The following TBCD variants were observed in gnomAD, a reference collection of about 807,000 sequenced individuals.
TBCD encodes the protein tubulin folding cofactor D, also known as tubulin-specific chaperone D.
TBCD carries 105 observed loss-of-function variants against 169.3 expected under a neutral mutation model. The observed-to-expected ratio is 0.62, with a 90% CI of 0.53 to 0.73. The LOEUF (loss-of-function observed/expected upper bound fraction) is 0.73, where lower values mean the gene tolerates loss of function less well. TBCD is among the 30% of genes least tolerant of loss of function. The pLI is 0.00. For synonymous variants in TBCD, 700 were observed against 643.9 expected (o/e 1.09, Z -1.32); for missense variants, 1,444 against 1,600.1 (o/e 0.90, Z 1.66).
In TBCD at chr17:82,941,431, G is replaced by A. The variant is rs775453008; in HGVS notation, c.3512G>A (p.Arg1171His). 3.4e-5 allele frequency: 54 copies of A among 1,601,724 alleles called. 1 individual carries two copies. The highest frequency in any genetic ancestry group is 4.5e-5 in the East Asian group (2 of 44,636). Reference protein sequence around the residue: ...DAELAVVREQRNRLCDLLGVP... With the variant: ...DAELAVVREQHNRLCDLLGVP... ...GAGCTTGCAGTGGTGAGAGAGCAGC[G>A]CAACCGTCTGTGTGACCTTCTGGGC... Residue 1171 changes from arginine (R) to histidine (H), a missense_variant, in exon 38 of 39, where the codon CGC becomes CAC. Transcript: ENST00000355528.
At position 82,920,473 on chromosome 17, in the gene TBCD, C is replaced by T; in HGVS notation, c.2039-83C>T. On this transcript the variant is annotated intron_variant, in intron 23 of 38. Transcript: ENST00000355528. The surrounding 1 kb of genome is among the most constrained non-coding windows in gnomAD (Gnocchi z 4.1). The stretch of plus-strand genomic sequence containing the variant: ...GGGCAGGAGCTGGCCGCACACAACT[C>T]AGAATGTGGCAAAGGCAAGCCGCTG... 2.4e-6 allele frequency: 3 copies of T among 1,241,784 alleles called. No homozygotes were observed. The highest frequency in any genetic ancestry group is 1.3e-5 in the South Asian group (1 of 74,386). The allele number at this position is 1,241,784 out of a possible 1,614,324, so 76.9% of individuals were successfully genotyped here.
chr17:82,777,992 T>C (rs906285124), intron 6 of TBCD, among the ~76,000 whole-genome samples: 2 of 152,268 alleles, frequency 1.3e-5, no homozygotes, highest in Non-Finnish European at 2.9e-5. Context: ...CTGGTGGCCC[T>C]GTCTGGGCAT....
At chr17:82,821,100 C>A (rs1335616464) in intron 13 of TBCD, among the ~76,000 whole-genome samples, 3 of 137,798 alleles carry the variant, frequency 2.2e-5, no homozygotes, top group African/African-American at 8.1e-5. Context: ...AGACCACAGG[C>A]CTGCTGCACT....
intron 23 of TBCD, among the ~76,000 whole-genome samples, chr17:82,919,803 C>T (rs999033927): frequency 2.0e-5 from 3 of 152,074 alleles, no homozygotes; most frequent in Non-Finnish European, 4.4e-5. Context: ...TGTGTGTGGT[C>T]CCTGTCCTGT....
chr17:82,907,243 C>T (rs4986136), intron 20 of TBCD, among the ~76,000 whole-genome samples: 39,316 of 152,226 alleles, frequency 0.26, 5,824 homozygotes, highest in Admixed American at 0.34. Context: ...CGCCAGGGAC[C>T]TTCCCTTGGA....
chr17:82,791,885 ACTCCCAGGCCAGGTGGTGTGGCCCGCTG>A (rs1236537074), intron 7 of TBCD, among the ~76,000 whole-genome samples: 1 of 149,422 alleles, frequency 6.7e-6, no homozygotes, highest in East Asian at 1.9e-4. Context: ...GGCCTGCTGC[ACTCCCAGGCCAGGTGGTGTGGCCCGCTG>A]CTCCCAGGCT....
At chr17:82,797,493 G>A (rs1191968650) in intron 7 of TBCD, among the ~76,000 whole-genome samples, 1 of 152,178 alleles carries the variant, frequency 6.6e-6, no homozygotes, top group East Asian at 1.9e-4. Flanking sequence ...CCATTGATGA[G>A]GGAGGGGTGG....
intron 14 of TBCD, among the ~76,000 whole-genome samples, chr17:82,881,705 G>T (rs917935915): frequency 3.3e-5 from 5 of 152,198 alleles, no homozygotes; most frequent in African/African-American, 1.2e-4. Flanking sequence ...CTTGATTGGG[G>T]TGGAAAATGC....
chr17:82,865,619 C>T, intron 13 of TBCD: 1 of 833,806 alleles, frequency 1.2e-6, no homozygotes, highest in Non-Finnish European at 1.4e-6. Flanking sequence ...GCGGTCTGCA[C>T]CAGCTACATC....
At chr17:82,926,308 G>C (rs973238494) in intron 27 of TBCD, 92 bp from the exon 28 acceptor site, 1 of 1,193,802 alleles carries the variant, frequency 8.4e-7, no homozygotes, top group Non-Finnish European at 1.2e-6. Context: ...CATGGTGTGG[G>C]GTCTGTGGCT....
chr17:82,934,597 C>G (rs544188024), intron 34 of TBCD, among the ~76,000 whole-genome samples: 2 of 152,136 alleles, frequency 1.3e-5, no homozygotes, highest in South Asian at 2.1e-4. Flanking sequence ...CTCAGCCTCC[C>G]TAGTAGCTGG....
At chr17:82,937,536 A>C in intron 35 of TBCD, 176 bp downstream of exon 35, 1 of 641,056 alleles carries the variant, frequency 1.6e-6, no homozygotes, top group Admixed American at 2.7e-5. Flanking sequence ...GAGGCAGCCC[A>C]GGTGCTGGTG....
rs187520178 is a variant in TBCD, at chr17:82,803,887, G to A, written c.951-1988G>A. Among the ~76,000 whole-genome samples, 447 of 150,388 alleles carry A rather than the reference G, an allele frequency of 3.0e-3. 3 individuals are homozygous for A. Among genetic ancestry groups the A allele is most frequent in the African/African-American group, 0.01 (423 of 40,892 alleles). The stretch of plus-strand genomic sequence containing the variant: ...GGCGTTAGGGGAGACTGGGGGCTGG[G>A]GTGTGCCAGCCATGGGCCATTAGGG... On this transcript the variant is annotated intron_variant, in intron 9 of 38. Transcript: ENST00000355528.
intron 1 of TBCD, among the ~76,000 whole-genome samples, chr17:82,753,433 C>G (rs2047221494): frequency 6.9e-6 from 1 of 145,086 alleles, no homozygotes; most frequent in Admixed American, 7.0e-5. Flanking sequence ...GTGTAACAGC[C>G]CAATGGCTTC....
In TBCD at chr17:82,917,019, C is replaced by CTTTTTTTTTTTTTTTTTTTTTT. The variant is rs59331670; in HGVS notation, c.2039-3533_2039-3532insTTTTTTTTTTTTTTTTTTTTTT. 1.8e-5 allele frequency among the ~76,000 whole-genome samples: 2 copies of CTTTTTTTTTTTTTTTTTTTTTT among 108,518 alleles called. 1 individual carries two copies. The highest frequency in any genetic ancestry group is 3.6e-5 in the Non-Finnish European group (2 of 55,460). The allele number at this position is 108,518 out of a possible 152,430, so 71.2% of individuals were successfully genotyped here. On this transcript the variant is annotated intron_variant, in intron 23 of 38. Coordinates refer to ENST00000355528, the MANE Select transcript of TBCD (RefSeq NM_005993.5). Reference sequence around the variant, plus strand: ...CAGTTTGGACTTTTTTTTTTCTTTTCTTTTCTTTTTTTTTTTTTTGAGTTG... The same window carrying CTTTTTTTTTTTTTTTTTTTTTT: ...CAGTTTGGACTTTTTTTTTTCTTTTCTTTTTTTTTTTTTTTTTTTTTTTTTTCTTTTTTTTTTTTTTGAGTTG...
chr17:82,933,961 C>G (rs2062420873), intron 34 of TBCD, among the ~76,000 whole-genome samples: 1 of 152,362 alleles, frequency 6.6e-6, no homozygotes, highest in Middle Eastern at 3.4e-3. Flanking sequence ...GTGCTGGTCT[C>G]CAGGGTTTTC....
chr17:82,920,659 A>G lies in TBCD; in HGVS notation c.2101+41A>G. ...TTTAATAATAGCATTTTCTTACAGA[A>G]TGACTTCAGATTAAAAGGTAAAAAT... On this transcript the variant is annotated intron_variant, in intron 24 of 38. Coordinates refer to ENST00000355528, the MANE Select transcript of TBCD (RefSeq NM_005993.5). This position sits in a 1 kb window ranked among gnomAD's most constrained non-coding sequence, Gnocchi z 4.1. 1 of 1,477,186 alleles carries G rather than the reference A, an allele frequency of 6.8e-7. No homozygotes were observed. 91.5% of individuals were successfully genotyped at this position (1,477,186 alleles called of 1,614,324 possible).
chr17:82,861,777 G>T (rs1190659608), intron 13 of TBCD, among the ~76,000 whole-genome samples: 1 of 152,186 alleles, frequency 6.6e-6, no homozygotes, highest in African/African-American at 2.4e-5. Flanking sequence ...GATGGCTAAG[G>T]TATGGGAATT....
intron 13 of TBCD, among the ~76,000 whole-genome samples, chr17:82,836,206 G>A (rs758715355): frequency 5.9e-5 from 9 of 152,270 alleles, no homozygotes; most frequent in African/African-American, 9.6e-5. Flanking sequence ...TAGAGAAGCC[G>A]GGTGCCTGGT....
Sources: gnomAD v4.1 joint callset for allele counts (sites outside exome capture counted in the v4.1 genomes callset) on GRCh38, gnomAD v4.1.1 for gene constraint, Gnocchi (gnomAD v3.1) non-coding constraint, MANE v1.5 for transcripts, NCBI Gene and HGNC (gene_info 2026-07-23, HGNC 2026-07-21) for gene names.